DDHD1: variants seen among roughly 807,000 people sequenced by gnomAD.
DDHD1 encodes the protein phospholipase DDHD1.
A neutral mutation model predicts 96.4 loss-of-function variants in DDHD1; 49 were observed. The ratio of observed to expected loss-of-function variants is 0.51; its 90% CI spans 0.40 to 0.64. DDHD1 has a LOEUF of 0.64. Among genes scored for constraint, DDHD1 ranks in the 30% least tolerant of loss-of-function variants. The pLI is 0.00. For synonymous variants in DDHD1, 442 were observed against 446.5 expected, an observed-to-expected ratio of 0.99 and a Z score of 0.13; for missense variants, 1,106 against 1,161.2, an observed-to-expected ratio of 0.95 and a Z score of 0.69.
chr14:53,059,112 T>C (rs990625605), intron 8 of DDHD1, among the ~76,000 whole-genome samples: 2 of 152,150 alleles, frequency 1.3e-5, no homozygotes, highest in Non-Finnish European at 2.9e-5. Context: ...AGCATATGCA[T>C]TGGCCAGTAA....
chr14:53,071,755 T>C (rs1884527697), intron 6 of DDHD1, among the ~76,000 whole-genome samples: 1 of 152,116 alleles, frequency 6.6e-6, no homozygotes, highest in Non-Finnish European at 1.5e-5. Flanking sequence ...GTGTTTGGCA[T>C]AGAGTAGGGC....
chr14:53,111,129 T>C (rs1038593026), intron 1 of DDHD1, among the ~76,000 whole-genome samples: 1 of 152,148 alleles, frequency 6.6e-6, no homozygotes, highest in African/African-American at 2.4e-5. Flanking sequence ...CTTGAGTGGA[T>C]CTCATGTGTG....
Position 53,103,809 on chromosome 14 carries a change from T to G in DDHD1, c.886A>C (p.Thr296Pro), listed in dbSNP as rs765039754. Residue 296 changes from threonine (T) to proline (P), a missense_variant, in exon 2 of 13, where the codon ACT (threonine) becomes CCT (proline). Physicochemically the swap from Thr to Pro is conservative, Grantham distance 38 (BLOSUM62 -1). Coordinates refer to ENST00000673822, the MANE Select transcript of DDHD1 (RefSeq NM_001160148.2). ...TCTTCCTCTTCTAGAGGCTGCCAAG[T>G]GCCGTCAATAAACCACTGTCCACGC... is the stretch of plus-strand genomic sequence containing the variant. Reference protein sequence around the residue: ...VMRGQWFIDGTWQPLEEEESN... With the variant: ...VMRGQWFIDGPWQPLEEEESN... The G allele has an allele frequency of 3.7e-6, 6 of 1,612,758 alleles. No homozygotes were observed. In the East Asian group the frequency reaches 8.9e-5, roughly 24 times the overall value.
At chr14:53,059,894 T>C (rs1184861791) in intron 8 of DDHD1, among the ~76,000 whole-genome samples, 2 of 135,220 alleles carry the variant, frequency 1.5e-5, no homozygotes, top group African/African-American at 5.8e-5. Flanking sequence ...AAAAAAGTAA[T>C]GATAGTAGAG....
At chr14:53,151,265 CAA>C (rs1354488929) in intron 1 of DDHD1, among the ~76,000 whole-genome samples, 3 of 152,152 alleles carry the variant, frequency 2.0e-5, no homozygotes, top group Non-Finnish European at 4.4e-5. Flanking sequence ...TTGTCACAAT[CAA>C]TGAAGACATC....
chr14:53,066,688 C>T (rs181675477), intron 6 of DDHD1, among the ~76,000 whole-genome samples: 157 of 152,060 alleles, frequency 1.0e-3, no homozygotes, highest in African/African-American at 3.4e-3. Flanking sequence ...AGGAATAGGC[C>T]GGGCACAGTG....
intron 1 of DDHD1, among the ~76,000 whole-genome samples, chr14:53,125,252 G>T (rs563692107): frequency 2.6e-4 from 39 of 152,248 alleles, no homozygotes; most frequent in Admixed American, 4.6e-4. Flanking sequence ...TTGGAGAAGA[G>T]ACTTTAAATC....
Position 53,089,066 on chromosome 14 carries a change from T to C in DDHD1, c.1289+2719A>G, listed in dbSNP as rs561123810. ...ATCATGAGTGAACTCCCATTCACAA[T>C]TGCTTCAAAGAGAATAAAATACCTA... is the stretch of plus-strand genomic sequence containing the variant. On this transcript the variant is annotated intron_variant, in intron 4 of 12. Transcript: ENST00000673822. Among the ~76,000 whole-genome samples the C allele has an allele frequency of 1.4e-3, 219 of 152,300 alleles. 1 individual carries two copies. The highest frequency in any genetic ancestry group is 4.8e-3 in the African/African-American group (200 of 41,562).
chr14:53,095,506 T>C (rs1284658571), intron 2 of DDHD1, among the ~76,000 whole-genome samples: 1 of 152,212 alleles, frequency 6.6e-6, no homozygotes, highest in Non-Finnish European at 1.5e-5. Flanking sequence ...ATATTAAATA[T>C]GCAACTTCAG....
At chr14:53,118,275 C>T (rs1459588020) in intron 1 of DDHD1, among the ~76,000 whole-genome samples, 1 of 152,196 alleles carries the variant, frequency 6.6e-6, no homozygotes, top group African/African-American at 2.4e-5. Flanking sequence ...GATTGCAGCT[C>T]CTCACCAGCA....
intron 6 of DDHD1, among the ~76,000 whole-genome samples, chr14:53,070,884 A>G (rs539829894): frequency 1.3e-5 from 2 of 152,000 alleles, no homozygotes; most frequent in Admixed American, 6.6e-5. Flanking sequence ...ATATTTTTAG[A>G]TTAAAAACAC....
At chr14:53,099,900 T>C (rs1288439101) in intron 2 of DDHD1, among the ~76,000 whole-genome samples, 4 of 152,178 alleles carry the variant, frequency 2.6e-5, no homozygotes, top group Non-Finnish European at 5.9e-5. Context: ...TTTATTTGTA[T>C]GCTACAAAGA....
chr14:53,044,547 C>T lies in DDHD1; in HGVS notation c.*2221G>A, dbSNP rs548200340. 3.9e-5 allele frequency: 6 copies of T among 151,972 alleles called. No individual in the cohort carries two copies. The highest frequency in any genetic ancestry group is 1.4e-4 in the African/African-American group (6 of 41,412). The allele number at this position is 151,972 out of a possible 1,614,324, so 9.4% of individuals were successfully genotyped here. A position where few individuals can be genotyped will look rare whatever the true frequency, so the allele number is the denominator to read the frequency against. ...TACCTTTAACGATACAGTCATATAG[C>T]ATGAGTTTAATTTTCCTGAGAACTA... On this transcript the variant is annotated 3_prime_UTR_variant, in exon 13 of 13. Transcript: ENST00000673822.
At chr14:53,081,488 T>G (rs945408511) in intron 4 of DDHD1, among the ~76,000 whole-genome samples, 1 of 152,214 alleles carries the variant, frequency 6.6e-6, no homozygotes, top group Non-Finnish European at 1.5e-5. Flanking sequence ...TTCTCAACCA[T>G]AGACAATTTT....
At chr14:53,093,588 A>G (rs1886623621) in intron 2 of DDHD1, 144 bp from the exon 3 acceptor site, 1 of 1,094,230 alleles carries the variant, frequency 9.1e-7, no homozygotes, top group African/African-American at 1.6e-5. Context: ...ACTATTTCAC[A>G]TAAAAAAAGT....
At chr14:53,051,119 T>C (rs1245089621) in intron 12 of DDHD1, among the ~76,000 whole-genome samples, 3 of 148,372 alleles carry the variant, frequency 2.0e-5, no homozygotes, top group Admixed American at 1.3e-4. Flanking sequence ...AACTGTAAAA[T>C]GAGATTTGGT....
At chr14:53,134,934 C>T (rs1400124964) in intron 1 of DDHD1, among the ~76,000 whole-genome samples, 1 of 152,130 alleles carries the variant, frequency 6.6e-6, no homozygotes, top group African/African-American at 2.4e-5. Context: ...AATATCACCC[C>T]TTACCCCAAA....
At chr14:53,125,496 A>G (rs1298323959) in intron 1 of DDHD1, among the ~76,000 whole-genome samples, 2 of 152,242 alleles carry the variant, frequency 1.3e-5, no homozygotes, top group Non-Finnish European at 2.9e-5. Context: ...GATACAATCA[A>G]TTCCACACTG....
At chr14:53,128,363 T>G (rs1312374421) in intron 1 of DDHD1, among the ~76,000 whole-genome samples, 1 of 152,206 alleles carries the variant, frequency 6.6e-6, no homozygotes, top group African/African-American at 2.4e-5. Context: ...CTCTGGAGAC[T>G]GCCAAGTCTA....
Sources: gnomAD v4.1 joint callset for allele counts (sites outside exome capture counted in the v4.1 genomes callset) on GRCh38, gnomAD v4.1.1 for gene constraint, MANE v1.5 for transcripts, NCBI Gene and HGNC (gene_info 2026-07-23, HGNC 2026-07-21) for gene names.